MCTP2: variants seen among roughly 807,000 people sequenced by gnomAD.
MCTP2 encodes the protein multiple C2 and transmembrane domain-containing protein 2.
Under a neutral mutation model 111.6 loss-of-function variants are expected in MCTP2, and 132 were observed. That is an observed-to-expected ratio of 1.18 (90% CI 1.03 to 1.37). The LOEUF (loss-of-function observed/expected upper bound fraction) is 1.37. Ranked by LOEUF, MCTP2 falls within the 40% of genes most tolerant of loss-of-function variation. The pLI is 0.00. For synonymous variants in MCTP2, 395 were observed against 387.7 expected, an observed-to-expected ratio of 1.02 and a Z score of -0.22; for missense variants, 1,183 against 1,067.9, an observed-to-expected ratio of 1.11 and a Z score of -1.50.
intron 2 of MCTP2, among the ~76,000 whole-genome samples, chr15:94,302,318 A>G (rs2075655241): frequency 6.6e-6 from 1 of 152,236 alleles, no homozygotes; most frequent in Non-Finnish European, 1.5e-5. Context: ...CCCAAATATC[A>G]GCAATGCCTG....
intron 17 of MCTP2, among the ~76,000 whole-genome samples, chr15:94,435,313 C>T (rs1448344601): frequency 6.6e-6 from 1 of 152,138 alleles, no homozygotes; most frequent in African/African-American, 2.4e-5. Flanking sequence ...TTCTTATTTA[C>T]ATATTCTGTA....
chr15:94,319,957 AG>A (rs1194467985), intron 4 of MCTP2, among the ~76,000 whole-genome samples: 1 of 152,220 alleles, frequency 6.6e-6, no homozygotes, highest in Non-Finnish European at 1.5e-5. Context: ...CTTTCAATAC[AG>A]ACTCAGATGG....
chr15:94,431,568 C>G (rs1371407115), intron 17 of MCTP2, among the ~76,000 whole-genome samples: 1 of 152,178 alleles, frequency 6.6e-6, no homozygotes, highest in Non-Finnish European at 1.5e-5. Flanking sequence ...ATATGTAAGA[C>G]ATGTTTTTCC....
intron 1 of MCTP2, among the ~76,000 whole-genome samples, chr15:94,276,960 A>AAAG (rs1324765918): frequency 2.0e-5 from 3 of 151,602 alleles, no homozygotes; most frequent in Non-Finnish European, 4.4e-5. Context: ...AAAAAAAAAA[A>AAAG]AAAAAATTAA....
rs770643782 is a variant in MCTP2 at position 94,339,352 on chromosome 15, A to G, written c.700A>G (p.Ile234Val). Reference sequence around the variant, plus strand: ...GAAGACGCTGTACAAAAGTAAAGTCATATATAAGAACTTGAACCCAGTATG... The same window carrying G: ...GAAGACGCTGTACAAAAGTAAAGTCGTATATAAGAACTTGAACCCAGTATG... Reference protein sequence around the residue: ...NGKTLYKSKVIYKNLNPVWDE... With the variant: ...NGKTLYKSKVVYKNLNPVWDE... Residue 234 changes from isoleucine to valine, a missense_variant, in exon 5 of 23, where the codon ATA becomes GTA. Coordinates refer to ENST00000357742, the MANE Select transcript of MCTP2 (RefSeq NM_001385001.1). The G allele has an allele frequency of 3.1e-6, 5 of 1,612,224 alleles. No individual in the cohort carries two copies. Among genetic ancestry groups the G allele is most frequent in the East Asian group, 4.5e-5 (2 of 44,858 alleles).
intron 2 of MCTP2, among the ~76,000 whole-genome samples, chr15:94,312,955 A>C (rs955365918): frequency 6.6e-6 from 1 of 152,006 alleles, no homozygotes; most frequent in Non-Finnish European, 1.5e-5. Flanking sequence ...TGGATGTCTG[A>C]GTCATGTCCA....
At chr15:94,261,583 T>A (rs1275497381) in intron 1 of MCTP2, among the ~76,000 whole-genome samples, 2 of 152,164 alleles carry the variant, frequency 1.3e-5, no homozygotes, top group Non-Finnish European at 2.9e-5. Context: ...GTAGTACCTG[T>A]TCAGTAAAGG....
intron 17 of MCTP2, among the ~76,000 whole-genome samples, chr15:94,421,603 C>G (rs1430272724): frequency 6.6e-6 from 1 of 152,188 alleles, no homozygotes; most frequent in Non-Finnish European, 1.5e-5. Flanking sequence ...CCTCCATCTT[C>G]AGATCCAGCA....
chr15:94,458,181 G>C lies in MCTP2; in HGVS notation c.2295G>C (p.Gln765His). Residue 765 changes from glutamine (Q) to histidine (H), a missense_variant, in exon 20 of 23, where the codon CAG (glutamine) becomes CAC (histidine). Transcript: ENST00000357742. The part of the protein sequence containing the change: ...KGLIERIYMV[Q>H]DIVSTVQNVL... ...TGATTGAAAGAATCTATATGGTACA[G>C]GATATTGTTTCAACTGTTCAAAACG... 6.2e-7 allele frequency: 1 copy of C among 1,612,732 alleles called. No homozygotes were observed. The highest frequency in any genetic ancestry group is 8.5e-7 in the Non-Finnish European group (1 of 1,178,750).
At chr15:94,258,618 C>G (rs577003669) in intron 1 of MCTP2, among the ~76,000 whole-genome samples, 10 of 152,146 alleles carry the variant, frequency 6.6e-5, no homozygotes, top group Non-Finnish European at 1.3e-4. Flanking sequence ...ACCGAAAACC[C>G]TATTTAAATC....
chr15:94,290,535 A>G (rs2074985416), intron 1 of MCTP2, among the ~76,000 whole-genome samples: 1 of 152,224 alleles, frequency 6.6e-6, no homozygotes, highest in African/African-American at 2.4e-5. Context: ...ATAAAATGGC[A>G]GACCTAAATC....
intron 1 of MCTP2, among the ~76,000 whole-genome samples, chr15:94,285,204 T>G (rs2074694096): frequency 6.6e-6 from 1 of 152,174 alleles, no homozygotes; most frequent in African/African-American, 2.4e-5. Flanking sequence ...CATCAGTGAG[T>G]TTGACAACAT....
intron 4 of MCTP2, among the ~76,000 whole-genome samples, chr15:94,338,758 G>A (rs1306369242): frequency 9.2e-5 from 14 of 152,158 alleles, no homozygotes; most frequent in Non-Finnish European, 1.8e-4. Flanking sequence ...GCAAAGAATG[G>A]CAACTTTGTC....
At chr15:94,445,775 T>C (rs1454350895) in intron 19 of MCTP2, among the ~76,000 whole-genome samples, 2 of 152,334 alleles carry the variant, frequency 1.3e-5, no homozygotes, top group South Asian at 2.1e-4. Context: ...CAGTGAGAGA[T>C]GAACTGTTTA....
intron 1 of MCTP2, among the ~76,000 whole-genome samples, chr15:94,244,682 A>T (rs781587841): frequency 6.7e-6 from 1 of 148,688 alleles, no homozygotes; most frequent in Non-Finnish European, 1.5e-5. Flanking sequence ...ACCTATGTTT[A>T]TATACGTATA....
chr15:94,302,942 C>A (rs942258099), intron 2 of MCTP2, among the ~76,000 whole-genome samples: 2 of 151,608 alleles, frequency 1.3e-5, no homozygotes, highest in Non-Finnish European at 1.5e-5. Context: ...GCCTCACAAT[C>A]ATGGCAGAAG....
chr15:94,472,939 CTT>C (rs1897390136), intron 21 of MCTP2, among the ~76,000 whole-genome samples: 1 of 152,128 alleles, frequency 6.6e-6, no homozygotes, highest in Admixed American at 6.5e-5. Flanking sequence ...ATGTATATGT[CTT>C]AAAGTTTTAG....
chr15:94,464,258 T>A (rs1288887419), intron 20 of MCTP2, among the ~76,000 whole-genome samples: 5,467 of 27,144 alleles, frequency 0.2, 368 homozygotes, highest in African/African-American at 0.32. Context: ...ATATATATAT[T>A]ATATATATAT....
Position 94,464,240 on chromosome 15 carries a change from ATATATATAT to A in MCTP2, c.2360+5995_2360+6003del, listed in dbSNP as rs1567763949. Among the ~76,000 whole-genome samples the A allele has an allele frequency of 3.2e-5, 2 of 62,690 alleles. 1 individual carries two copies. 41.1% of individuals were successfully genotyped at this position (62,690 alleles called of 152,430 possible). A position where few individuals can be genotyped will look rare whatever the true frequency, so the allele number is the denominator to read the frequency against. ...GAAATATTATATGTTTATATATATA[ATATATATAT>A]ATATATATTATATATATATATATAT... On this transcript the variant is annotated intron_variant, in intron 20 of 22. Coordinates refer to ENST00000357742, the MANE Select transcript of MCTP2 (RefSeq NM_001385001.1).
Sources: gnomAD v4.1 joint callset for allele counts (sites outside exome capture counted in the v4.1 genomes callset) on GRCh38, gnomAD v4.1.1 for gene constraint, MANE v1.5 for transcripts, NCBI Gene and HGNC (gene_info 2026-07-23, HGNC 2026-07-21) for gene names.